The following PROKR2 variants were observed in gnomAD, a reference collection of about 807,000 sequenced individuals.
PROKR2 encodes G protein-coupled receptor 73-like 1.
Under a neutral mutation model 23.4 loss-of-function variants are expected in PROKR2, and 26 were observed. The ratio of observed to expected loss-of-function variants is 1.11; its 90% CI spans 0.81 to 1.54. The LOEUF (loss-of-function observed/expected upper bound fraction) is 1.54, where lower values mean the gene tolerates loss of function less well. Ranked by LOEUF, PROKR2 falls within the 40% of genes most tolerant of loss-of-function variation. PROKR2 has a pLI of 0.00. For missense variants in PROKR2, 453 were observed against 511.5 expected (o/e 0.89, Z 1.10); for synonymous variants, 212 against 201.2 (o/e 1.05, Z -0.45).
chr20:5,301,920 T>G lies in PROKR2; in HGVS notation c.*120A>C. 1.1e-6 allele frequency: 1 copy of G among 895,882 alleles called. No individual in the cohort carries two copies. The allele number at this position is 895,882 out of a possible 1,614,324, so 55.5% of individuals were successfully genotyped here. ...TACGACTTTGCAGCATTCAGCTTCT[T>G]GAGGGCACGGGGGAGGCATGAACAC... On this transcript the variant is annotated 3_prime_UTR_variant, in exon 3 of 3. Coordinates refer to ENST00000678254, the MANE Select transcript of PROKR2 (RefSeq NM_144773.4).
At chr20:5,313,799 CT>C in intron 2 of PROKR2, 112 bp downstream of exon 2, 1 of 919,028 alleles carries the variant, frequency 1.1e-6, no homozygotes, top group African/African-American at 1.6e-5. Context: ...TCCTCTTGCC[CT>C]CCAAAGATTG....
rs1978928325 is a variant in PROKR2, at chr20:5,300,046, A to T, written c.*1994T>A. On this transcript the variant is annotated 3_prime_UTR_variant, in exon 3 of 3. Coordinates refer to ENST00000678254, the MANE Select transcript of PROKR2 (RefSeq NM_144773.4). ...AACAAATAATAGAAACAATCAAACA[A>T]GCAAACAATTAATTCCTTGTCTATA... Among the ~76,000 whole-genome samples the T allele has an allele frequency of 6.6e-6, 1 of 152,274 alleles. No individual in the cohort carries two copies. The highest frequency in any genetic ancestry group is 1.5e-5 in the Non-Finnish European group (1 of 68,048).
In PROKR2 at chr20:5,314,174, C is replaced by A; in HGVS notation, c.196G>T (p.Val66Phe). 1 of 1,614,190 alleles carries A rather than the reference C, an allele frequency of 6.2e-7. No individual in the cohort carries two copies. ...IGIALAGIML[V>F]CGIGNFVFIA... ...AAGACAAAGTTACCGATGCCGCAGA[C>A]CAGCATGATGCCTGCCAGTGCAATG... The change falls in exon 2 of 3, where the codon GTC becomes TTC. Residue 66 changes from valine to phenylalanine, a missense_variant. Coordinates refer to ENST00000678254, the MANE Select transcript of PROKR2 (RefSeq NM_144773.4).
rs1979668773 is a variant in PROKR2, at chr20:5,316,252, C to T, written c.-9+242G>A. On this transcript the variant is annotated intron_variant, in intron 1 of 2. Coordinates refer to ENST00000678254, the MANE Select transcript of PROKR2 (RefSeq NM_144773.4). The surrounding 1 kb of genome is among the most constrained non-coding windows in gnomAD (Gnocchi z 5.0). ...GAGCTCAGCTACCCGCTGGCTCCCT[C>T]TGCCCGCGCCCGCACACCACAGACT... 2.2e-6 allele frequency: 1 copy of T among 456,552 alleles called. No homozygotes were observed. Among genetic ancestry groups the T allele is most frequent in the Admixed American group, 2.3e-5 (1 of 42,566 alleles). 28.3% of individuals were successfully genotyped at this position (456,552 alleles called of 1,614,324 possible).
intron 2 of PROKR2, among the ~76,000 whole-genome samples, chr20:5,306,980 T>C (rs1001585144): frequency 2.0e-5 from 3 of 152,112 alleles, no homozygotes; most frequent in African/African-American, 7.2e-5. Flanking sequence ...TAACTTGGGG[T>C]AGAGGTTATG....
chr20:5,314,335 G>A lies in PROKR2; in HGVS notation c.35C>T (p.Pro12Leu). ...AAQNGNTSFT[P>L]NFNPPQDHAS... is the part of the protein sequence containing the mutation. The stretch of plus-strand genomic sequence containing the variant: ...ATGGTCTTGGGGTGGATTAAAGTTG[G>A]GTGTGAAACTGGTGTTTCCATTCTG... Residue 12 changes from proline (P) to leucine (L), a missense_variant, in exon 2 of 3, where the codon CCC becomes CTC. Coordinates refer to ENST00000678254, the MANE Select transcript of PROKR2 (RefSeq NM_144773.4). 1 of 1,614,116 alleles carries A rather than the reference G, an allele frequency of 6.2e-7. No homozygotes were observed. Among genetic ancestry groups the A allele is most frequent in the Non-Finnish European group, 8.5e-7 (1 of 1,180,014 alleles).
At chr20:5,308,756 C>A (rs896980972) in intron 2 of PROKR2, among the ~76,000 whole-genome samples, 1 of 152,156 alleles carries the variant, frequency 6.6e-6, no homozygotes, top group South Asian at 2.1e-4. Context: ...TCCTTTGTGA[C>A]CAGACCCTTC....
rs199794008 is a variant in PROKR2 at position 5,313,950 on chromosome 20, G to A, written c.420C>T (p.Tyr140=). ...SVNYLRTVSL[Y]VSTNALLAIA... is the part of the protein sequence containing the mutation. ...TGGCCAGCAAGGCATTGGTGGAGAC[G>A]TAGAGGGAGACGGTGCGCAGGTAGT... The change falls in exon 2 of 3, where the codon TAC becomes TAT. Residue 140 remains tyrosine, a synonymous_variant. Coordinates refer to ENST00000678254, the MANE Select transcript of PROKR2 (RefSeq NM_144773.4). 8 of 1,614,106 alleles carry A rather than the reference G, an allele frequency of 5.0e-6. No individual in the cohort carries two copies. Among genetic ancestry groups the A allele is most frequent in the East Asian group, 4.5e-5 (2 of 44,896 alleles).
At chr20:5,306,800 T>A (rs773968415) in intron 2 of PROKR2, among the ~76,000 whole-genome samples, 2 of 152,184 alleles carry the variant, frequency 1.3e-5, no homozygotes, top group Non-Finnish European at 2.9e-5. Context: ...GGACAGCCCA[T>A]ACACAACTGA....
In PROKR2 at chr20:5,301,954, T is replaced by C. The variant is rs73594472; in HGVS notation, c.*86A>G. ...GGGGGAGGCATGAACACAGATGTCA[T>C]TTCCCATGCAGCCTATGAACTTGGT... On this transcript the variant is annotated 3_prime_UTR_variant, in exon 3 of 3. Transcript: ENST00000678254. 3.4e-3 allele frequency: 4,326 copies of C among 1,262,624 alleles called. 112 individuals are homozygous for C. In the African/African-American group the frequency reaches 0.056, roughly 16 times the overall value. The allele number at this position is 1,262,624 out of a possible 1,614,324, so 78.2% of individuals were successfully genotyped here.
chr20:5,301,460 A>T lies in PROKR2; in HGVS notation c.*580T>A, dbSNP rs1000662086. Among the ~76,000 whole-genome samples the T allele has an allele frequency of 6.6e-6, 1 of 152,110 alleles. No individual in the cohort carries two copies. The highest frequency in any genetic ancestry group is 2.4e-5 in the African/African-American group (1 of 41,420). ...TTGGCCAGCCTGGGTTGAACTCCTG[A>T]CCTCAAGTGTTCCACGTGCCTCAGC... On this transcript the variant is annotated 3_prime_UTR_variant, in exon 3 of 3. Coordinates refer to ENST00000678254, the MANE Select transcript of PROKR2 (RefSeq NM_144773.4).
At chr20:5,315,983 C>G (rs1030990817) in intron 1 of PROKR2, 4 of 456,588 alleles carry the variant, frequency 8.8e-6, no homozygotes, top group Non-Finnish European at 1.8e-5. Flanking sequence ...GCCCCCTTCC[C>G]GCCCCATCAA....
chr20:5,304,421 C>T (rs1259389275), intron 2 of PROKR2, among the ~76,000 whole-genome samples: 5 of 152,212 alleles, frequency 3.3e-5, no homozygotes. Context: ...TGAATTCCTA[C>T]TGACTGAGAT....
intron 2 of PROKR2, among the ~76,000 whole-genome samples, chr20:5,313,249 A>G (rs890097335): frequency 6.6e-6 from 1 of 152,264 alleles, no homozygotes; most frequent in South Asian, 2.1e-4. Context: ...TCTCATGCAA[A>G]TGTATGCAAA....
In PROKR2 at chr20:5,302,176, G is replaced by C. The variant is rs2122203627; in HGVS notation, c.1019C>G (p.Thr340Ser). 6 of 1,614,196 alleles carry C rather than the reference G, an allele frequency of 3.7e-6. No individual in the cohort carries two copies. The highest frequency in any genetic ancestry group is 3.4e-6 in the Non-Finnish European group (4 of 1,180,026). Residue 340 changes from threonine (T) to serine (S), a missense_variant, in exon 3 of 3, where the codon ACC (threonine) becomes AGC (serine). Thr to Ser is a moderately conservative substitution (Grantham distance 58, BLOSUM62 1). Transcript: ENST00000678254. ...TVCFVTVKNNTMKYFKKMMLL... is the reference protein window; with the variant it reads ...TVCFVTVKNNSMKYFKKMMLL... ...CATCATCTTCTTGAAGTACTTCATG[G>C]TGTTGTTCTTGACCGTCACGAAGCA...
chr20:5,302,405 G>A lies in PROKR2; in HGVS notation c.790C>T (p.Arg264Cys), dbSNP rs148868355. The stretch of plus-strand genomic sequence containing the variant: ...TTCCTGCGGCAGCGCAGCCGCTTGC[G>A]AATCTGCTCCGTCTGGAACCCAGGG... ...AVPGFQTEQI[R>C]KRLRCRRKTV... The change falls in exon 3 of 3, where the codon CGC (arginine) becomes TGC (cysteine). Residue 264 changes from arginine to cysteine, a missense_variant. Transcript: ENST00000678254. 7.0e-5 allele frequency: 113 copies of A among 1,614,232 alleles called. No homozygotes were observed. In the African/African-American group the frequency reaches 1.3e-3, roughly 19 times the overall value.
intron 2 of PROKR2, among the ~76,000 whole-genome samples, 154 bp downstream of exon 2, chr20:5,313,758 G>A (rs1979531434): frequency 6.6e-6 from 1 of 152,222 alleles, no homozygotes; most frequent in Non-Finnish European, 1.5e-5. Context: ...TCACATCTGG[G>A]GGAACAGAAC....
chr20:5,304,452 A>G (rs1979140436), intron 2 of PROKR2, among the ~76,000 whole-genome samples: 1 of 152,218 alleles, frequency 6.6e-6, no homozygotes, highest in African/African-American at 2.4e-5. Context: ...GAGCTCGTCT[A>G]ACTCCTGCTC....
In PROKR2 at chr20:5,300,993, T is replaced by C. The variant is rs1371581116; in HGVS notation, c.*1047A>G. Among the ~76,000 whole-genome samples the C allele has an allele frequency of 6.6e-6, 1 of 152,246 alleles. No homozygotes were observed. Among genetic ancestry groups the C allele is most frequent in the East Asian group, 1.9e-4 (1 of 5,202 alleles). On this transcript the variant is annotated 3_prime_UTR_variant, in exon 3 of 3. Coordinates refer to ENST00000678254, the MANE Select transcript of PROKR2 (RefSeq NM_144773.4). The stretch of plus-strand genomic sequence containing the variant: ...GGTTCTTTCCTTTGAAATTACACCA[T>C]TGTGGATAACCACATAAGGCTGGGC...
Sources: allele counts gnomAD v4.1 joint callset (sites outside exome capture counted in the v4.1 genomes callset), GRCh38; gene constraint gnomAD v4.1.1; non-coding constraint Gnocchi (gnomAD v3.1); transcripts MANE v1.5; gene names NCBI Gene and HGNC (gene_info 2026-07-23, HGNC 2026-07-21).